Variants in COL5A1 observed in about 807,000 individuals in gnomAD.
The protein encoded by COL5A1 is collagen type V alpha 1 chain, also known as collagen alpha-1(V) chain.
In COL5A1, 16 loss-of-function variants were observed where a neutral mutation model predicts 263.7. The ratio of observed to expected loss-of-function variants is 0.06; its 90% CI spans 0.04 to 0.09. The LOEUF is 0.09. COL5A1 is among the 10% of genes least tolerant of loss of function. The probability of loss-of-function intolerance (pLI) is 1.00; values close to 1 mark genes in which losing one functional copy is unlikely to be tolerated. For missense variants in COL5A1, 2,036 were observed against 2,540.5 expected, an observed-to-expected ratio of 0.80 and a Z score of 4.27; for synonymous variants, 1,012 against 1,004.5, an observed-to-expected ratio of 1.01 and a Z score of -0.14.
At position 134,746,496 on chromosome 9, in the gene COL5A1, C is replaced by T. The variant is rs192716471; in HGVS notation, c.1495-4046C>T. Among the ~76,000 whole-genome samples the T allele has an allele frequency of 1.7e-3, 266 of 152,348 alleles. 1 individual carries two copies. In the Middle Eastern group the frequency reaches 0.027, roughly 16 times the overall value. On this transcript the variant is annotated intron_variant, in intron 11 of 65. Transcript: ENST00000371817. ...CGAGGGTCTCGTGGGGACAGTTTCA[C>T]GTGCTGAATCTGCAGTGGCAGAGGG...
At chr9:134,793,499 T>C (rs1253014166) in intron 32 of COL5A1, among the ~76,000 whole-genome samples, 2 of 152,084 alleles carry the variant, frequency 1.3e-5, no homozygotes. Context: ...CCAGATGGCG[T>C]TGCGGTCGAG....
chr9:134,645,786 C>CT (rs1831456090), intron 1 of COL5A1, among the ~76,000 whole-genome samples: 1 of 152,204 alleles, frequency 6.6e-6, no homozygotes, highest in Non-Finnish European at 1.5e-5. Flanking sequence ...GTTCCCTCTT[C>CT]TCACTTCCCA....
chr9:134,664,385 A>G (rs1189791516), intron 1 of COL5A1, among the ~76,000 whole-genome samples: 3 of 152,208 alleles, frequency 2.0e-5, no homozygotes, highest in East Asian at 3.8e-4. Context: ...AAGATTTTCT[A>G]TCTGGCCAAA....
At chr9:134,804,593 G>A (rs1304321339) in intron 39 of COL5A1, among the ~76,000 whole-genome samples, 2 of 152,254 alleles carry the variant, frequency 1.3e-5, no homozygotes, top group Non-Finnish European at 2.9e-5. Context: ...ACTCCGTGGA[G>A]CAGGGGTAGA....
intron 11 of COL5A1, among the ~76,000 whole-genome samples, chr9:134,747,999 A>G (rs538074559): frequency 1.6e-5 from 2 of 122,352 alleles, no homozygotes; most frequent in African/African-American, 5.7e-5. Flanking sequence ...TCACACACAC[A>G]TACACATGCA....
At chr9:134,751,689 A>T (rs1835786254) in intron 13 of COL5A1, among the ~76,000 whole-genome samples, 1 of 152,216 alleles carries the variant, frequency 6.6e-6, no homozygotes, top group African/African-American at 2.4e-5. Context: ...GTAATCCTCC[A>T]GCGGAGTGCA....
intron 1 of COL5A1, among the ~76,000 whole-genome samples, chr9:134,668,197 C>T (rs911478815): frequency 6.6e-6 from 1 of 152,230 alleles, no homozygotes; most frequent in Non-Finnish European, 1.5e-5. Context: ...AATGATCAAA[C>T]ATTGGCCATT....
At chr9:134,669,858 G>A (rs1832488513) in intron 1 of COL5A1, among the ~76,000 whole-genome samples, 1 of 152,112 alleles carries the variant, frequency 6.6e-6, no homozygotes, top group Non-Finnish European at 1.5e-5. Flanking sequence ...CTGAGAACTG[G>A]GAATTTAAAG....
At chr9:134,770,263 A>G (rs1291582976) in intron 25 of COL5A1, among the ~76,000 whole-genome samples, 1 of 152,238 alleles carries the variant, frequency 6.6e-6, no homozygotes, top group Non-Finnish European at 1.5e-5. Flanking sequence ...TTTGGTTTCA[A>G]AGAAAGGAAG....
intron 18 of COL5A1, among the ~76,000 whole-genome samples, chr9:134,759,116 C>T (rs1056016585): frequency 3.9e-5 from 6 of 152,018 alleles, no homozygotes; most frequent in African/African-American, 1.5e-4. Context: ...CTTCTCTGAC[C>T]TGCTTTCTGT....
chr9:134,826,824 CTGGTGTGTGGATGTGTATA>C (rs1564489215), intron 63 of COL5A1, among the ~76,000 whole-genome samples: 1 of 140,642 alleles, frequency 7.1e-6, no homozygotes, highest in African/African-American at 2.7e-5. Context: ...GGGTGTGTGG[CTGGTGTGTGGATGTGTATA>C]TGGTGTGTGG....
intron 1 of COL5A1, among the ~76,000 whole-genome samples, chr9:134,676,383 G>T (rs1456792506): frequency 1.3e-5 from 2 of 152,178 alleles, no homozygotes; most frequent in Admixed American, 1.3e-4. Flanking sequence ...ACCCCTTCCT[G>T]TCTGGCCTCT....
Position 134,767,390 on chromosome 9 carries a change from C to T in COL5A1, c.2232+36C>T, listed in dbSNP as rs45622539. 0.026 allele frequency: 40,788 copies of T among 1,598,972 alleles called. 582 individuals are homozygous for T. Among genetic ancestry groups the T allele is most frequent in the East Asian group, 0.041 (1,856 of 44,790 alleles). ...CTGGGCTGTGTTGCAGGCCACTGCC[C>T]GCCTGCAGGTGGATTCCCTGGCCCC... On this transcript the variant is annotated intron_variant, in intron 24 of 65. Transcript: ENST00000371817.
chr9:134,785,940 GA>G (rs1055783542), intron 30 of COL5A1, 54 bp from the exon 31 acceptor site: 1 of 1,518,802 alleles, frequency 6.6e-7, no homozygotes, highest in African/African-American at 1.4e-5. Flanking sequence ...CTGCTCCGGG[GA>G]AACGGATGGA....
chr9:134,780,038 C>T (rs185013094), intron 27 of COL5A1, 64 bp from the exon 28 acceptor site: 164 of 1,583,304 alleles, frequency 1.0e-4, no homozygotes, highest in East Asian at 1.0e-3. Context: ...GACACGCCTG[C>T]GACAGCTCTA....
chr9:134,707,122 C>T (rs1191742087), intron 4 of COL5A1, among the ~76,000 whole-genome samples: 2 of 152,140 alleles, frequency 1.3e-5, no homozygotes, highest in African/African-American at 2.4e-5. Context: ...GTGGAAGGCC[C>T]CTCCTCTGTG....
At chr9:134,749,933 C>T (rs773988644) in intron 11 of COL5A1, among the ~76,000 whole-genome samples, 19 of 152,188 alleles carry the variant, frequency 1.2e-4, no homozygotes, top group Non-Finnish European at 2.4e-4. Flanking sequence ...TCTGTGTGGC[C>T]AGGTTGGCTG....
intron 32 of COL5A1, 65 bp from the exon 33 acceptor site, chr9:134,795,017 C>T: frequency 3.2e-6 from 5 of 1,562,184 alleles, no homozygotes; most frequent in Admixed American, 1.7e-5. Flanking sequence ...ACCCGGGAGA[C>T]AGCTGCCACC....
In COL5A1 at chr9:134,786,192, T is replaced by C. The variant is rs3124934; in HGVS notation, c.2646+144T>C. The C allele has an allele frequency of 0.96, 762,215 of 792,854 alleles. 366,608 individuals are homozygous for C. Among genetic ancestry groups the C allele is most frequent in the East Asian group, 1 (37,086 of 37,090 alleles). 49.1% of individuals were successfully genotyped at this position (792,854 alleles called of 1,614,324 possible). A position where few individuals can be genotyped will look rare whatever the true frequency, so the allele number is the denominator to read the frequency against. On this transcript the variant is annotated intron_variant, in intron 31 of 65. Coordinates refer to ENST00000371817, the MANE Select transcript of COL5A1 (RefSeq NM_000093.5). ...TAACTTCTGGCCATGTTACGTGTCC[T>C]GGTGCAGGCGTGGGGGTTGTACCGC... is the stretch of plus-strand genomic sequence containing the variant.
Sources: allele counts gnomAD v4.1 joint callset (sites outside exome capture counted in the v4.1 genomes callset), GRCh38; gene constraint gnomAD v4.1.1; transcripts MANE v1.5; gene names NCBI Gene and HGNC (gene_info 2026-07-23, HGNC 2026-07-21).